Variants in CREG2 observed in about 807,000 individuals in gnomAD.
CREG2 encodes the protein protein CREG2.
In CREG2, 24 loss-of-function variants were observed where a neutral mutation model predicts 26.2. The ratio of observed to expected loss-of-function variants is 0.92; its 90% confidence interval spans 0.66 to 1.29. The LOEUF is 1.29. CREG2 is among the 50% of genes most tolerant of loss of function. The probability of loss-of-function intolerance (pLI) is 0.00; values close to 1 mark genes in which losing one functional copy is unlikely to be tolerated. For synonymous variants in CREG2, 174 were observed against 169.2 expected, an observed-to-expected ratio of 1.03 and a Z score of -0.22; for missense variants, 366 against 398.6, an observed-to-expected ratio of 0.92 and a Z score of 0.70.
At chr2:101,375,162 G>T (rs1684770788) in intron 2 of CREG2, among the ~76,000 whole-genome samples, 1 of 152,200 alleles carries the variant, frequency 6.6e-6, no homozygotes, top group African/African-American at 2.4e-5. Flanking sequence ...TGATTCCTCA[G>T]TGCTAATTTG....
chr2:101,374,405 T>G (rs1684757910), intron 2 of CREG2, among the ~76,000 whole-genome samples: 1 of 152,132 alleles, frequency 6.6e-6, no homozygotes, highest in Non-Finnish European at 1.5e-5. Flanking sequence ...ATGACTCAGG[T>G]TAATGTTAGC....
chr2:101,361,163 A>G (rs1573305560), intron 2 of CREG2, among the ~76,000 whole-genome samples: 1 of 152,214 alleles, frequency 6.6e-6, no homozygotes, highest in East Asian at 1.9e-4. Context: ...ATTACATAGA[A>G]ATAAAAAGGA....
At chr2:101,354,707 A>C (rs1684429918) in intron 3 of CREG2, among the ~76,000 whole-genome samples, 1 of 151,950 alleles carries the variant, frequency 6.6e-6, no homozygotes, top group Non-Finnish European at 1.5e-5. Context: ...ACTTGTGTGG[A>C]CCCCTACAGC....
chr2:101,386,895 G>T, intron 1 of CREG2, 122 bp downstream of exon 1: 1 of 1,018,448 alleles, frequency 9.8e-7, no homozygotes, highest in Non-Finnish European at 1.3e-6. Context: ...CCCATCCAGG[G>T]CACCGGGCAC....
chr2:101,359,208 C>T lies in CREG2; in HGVS notation c.612-3842G>A, dbSNP rs116320322. On this transcript the variant is annotated intron_variant, in intron 2 of 3. Coordinates refer to ENST00000324768, the MANE Select transcript of CREG2 (RefSeq NM_153836.4). ...TGAGAGATCAAGTGCATGCTTTGAC[C>T]TTTGACCTAGGGTTTTATATGTTGG... Among the ~76,000 whole-genome samples the T allele has an allele frequency of 9.7e-3, 1,471 of 152,236 alleles. 32 individuals are homozygous for T. Among genetic ancestry groups the T allele is most frequent in the African/African-American group, 0.033 (1,379 of 41,518 alleles).
chr2:101,378,812 G>GCCTGAACTGGCCAGTTCACCA (rs1404049297), intron 2 of CREG2, among the ~76,000 whole-genome samples: 11 of 152,074 alleles, frequency 7.2e-5, no homozygotes, highest in Non-Finnish European at 1.6e-4. Context: ...TTCAAGACCA[G>GCCTGAACTGGCCAGTTCACCA]CCTGGCCAAG....
At chr2:101,353,344 G>A (rs1225141117) in intron 3 of CREG2, among the ~76,000 whole-genome samples, 4 of 152,054 alleles carry the variant, frequency 2.6e-5, no homozygotes, top group South Asian at 4.1e-4. Flanking sequence ...ACATTTATGC[G>A]GCCAACAAAT....
Position 101,387,435 on chromosome 2 carries a change from C to A in CREG2, c.23G>T (p.Arg8Leu), listed in dbSNP as rs748813896. The change falls in exon 1 of 4, where the codon CGG (arginine) becomes CTG (leucine). Residue 8 changes from arginine to leucine, a missense_variant. Around this residue, in one of 3 missense-constraint regions of CREG2, gnomAD observed 177 missense variants for 183.3 expected, o/e 0.97. Coordinates refer to ENST00000324768, the MANE Select transcript of CREG2 (RefSeq NM_153836.4). The surrounding 1 kb of genome is among the most constrained non-coding windows in gnomAD (Gnocchi z 4.7). ...GAGGCGGGTCCCCGGCCGCGCCGGC[C>A]GCCGGCCGCGGCGCACGGACATCTT... MSVRRGR[R>L]PARPGTRLSW... 5.9e-4 allele frequency: 738 copies of A among 1,248,384 alleles called. 5 individuals carry two copies. In the African/African-American group the frequency reaches 0.011, roughly 18 times the overall value. The allele number at this position is 1,248,384 out of a possible 1,614,324, so 77.3% of individuals were successfully genotyped here. A position where few individuals can be genotyped will look rare whatever the true frequency, so the allele number is the denominator to read the frequency against.
At chr2:101,368,790 G>A (rs187062632) in intron 2 of CREG2, among the ~76,000 whole-genome samples, 2 of 152,312 alleles carry the variant, frequency 1.3e-5, no homozygotes, top group East Asian at 3.9e-4. Flanking sequence ...CTTGCCCCAA[G>A]TGAGGGCACA....
rs1474724828 is a variant in CREG2 at position 101,349,433 on chromosome 2, A to G, written c.*1490T>C. The G allele has an allele frequency of 6.6e-6, 1 of 152,650 alleles. No individual in the cohort carries two copies. Among genetic ancestry groups the G allele is most frequent in the African/African-American group, 2.4e-5 (1 of 41,448 alleles). The allele number at this position is 152,650 out of a possible 1,614,324, so 9.5% of individuals were successfully genotyped here. A position where few individuals can be genotyped will look rare whatever the true frequency, so the allele number is the denominator to read the frequency against. ...TTATTTTGTTAAGCAAAAGTTCATA[A>G]TCATTAATAACACTCTTATTTACTT... On this transcript the variant is annotated 3_prime_UTR_variant, in exon 4 of 4. Coordinates refer to ENST00000324768, the MANE Select transcript of CREG2 (RefSeq NM_153836.4).
chr2:101,353,135 C>T (rs184695404), intron 3 of CREG2, among the ~76,000 whole-genome samples: 171 of 152,180 alleles, frequency 1.1e-3, no homozygotes, highest in African/African-American at 3.7e-3. Flanking sequence ...TGTTTAAGTT[C>T]CTTGTAGATT....
intron 2 of CREG2, among the ~76,000 whole-genome samples, chr2:101,368,859 T>C (rs1558817833): frequency 6.6e-6 from 1 of 152,212 alleles, no homozygotes; most frequent in Non-Finnish European, 1.5e-5. Flanking sequence ...TAAATCTGCC[T>C]CAGCCTTGGC....
At chr2:101,382,478 T>C (rs1684891948) in intron 2 of CREG2, 2 of 981,230 alleles carry the variant, frequency 2.0e-6, no homozygotes, top group African/African-American at 3.5e-5. Context: ...CCTGGAAATG[T>C]ACTTCTAGTA....
chr2:101,353,538 T>C (rs1185100712), intron 3 of CREG2, among the ~76,000 whole-genome samples: 1 of 152,186 alleles, frequency 6.6e-6, no homozygotes, highest in Non-Finnish European at 1.5e-5. Context: ...ACTTCAACCA[T>C]TGTGGAAGAC....
At chr2:101,360,290 T>C (rs1684520815) in intron 2 of CREG2, among the ~76,000 whole-genome samples, 1 of 152,140 alleles carries the variant, frequency 6.6e-6, no homozygotes, top group Admixed American at 6.5e-5. Context: ...TGAAAACCTC[T>C]TCAGGAAAAT....
Position 101,350,790 on chromosome 2 carries a change from C to T in CREG2, c.*133G>A. On this transcript the variant is annotated 3_prime_UTR_variant, in exon 4 of 4. Coordinates refer to ENST00000324768, the MANE Select transcript of CREG2 (RefSeq NM_153836.4). Reference sequence around the variant, plus strand: ...GCATAGAGTTCCCTGTTCACCCTCTCTCATTCTGCTGCAGGGATGGCAGGG... The same window carrying T: ...GCATAGAGTTCCCTGTTCACCCTCTTTCATTCTGCTGCAGGGATGGCAGGG... The T allele has an allele frequency of 1.1e-6, 1 of 884,544 alleles. No individual in the cohort carries two copies. Among genetic ancestry groups the T allele is most frequent in the Non-Finnish European group, 1.8e-6 (1 of 560,988 alleles). 54.8% of individuals were successfully genotyped at this position (884,544 alleles called of 1,614,324 possible).
intron 2 of CREG2, among the ~76,000 whole-genome samples, chr2:101,381,056 C>T (rs983283316): frequency 6.6e-6 from 1 of 152,150 alleles, no homozygotes; most frequent in East Asian, 1.9e-4. Flanking sequence ...CTTGACCTGT[C>T]GTTATCATCG....
chr2:101,354,649 C>T (rs1367741823), intron 3 of CREG2, among the ~76,000 whole-genome samples: 2 of 152,194 alleles, frequency 1.3e-5, no homozygotes, highest in Admixed American at 6.5e-5. Context: ...CGTGCATGCG[C>T]GGTCCTCTGC....
At position 101,387,111 on chromosome 2, in the gene CREG2, G is replaced by T; in HGVS notation, c.347C>A (p.Ala116Glu). 1.6e-6 allele frequency: 2 copies of T among 1,243,572 alleles called. No homozygotes were observed. Among genetic ancestry groups the T allele is most frequent in the Non-Finnish European group, 2.0e-6 (2 of 995,240 alleles). 77.0% of individuals were successfully genotyped at this position (1,243,572 alleles called of 1,614,324 possible). Residue 116 changes from alanine (A) to glutamate (E), a missense_variant, in exon 1 of 4, where the codon GCG becomes GAG. Physicochemically the swap from Ala to Glu is moderately radical, Grantham distance 107. Transcript: ENST00000324768. The surrounding 1 kb of genome is among the most constrained non-coding windows in gnomAD (Gnocchi z 4.7). ...YRREGGQTAS[A>E]PPGPRLRAAT... is the part of the protein sequence containing the mutation. ...GGCGCGCAGTCTAGGGCCCGGGGGC[G>T]CACTGGCCGTCTGGCCGCCCTCGCG...
Sources: gnomAD v4.1 joint callset for allele counts (sites outside exome capture counted in the v4.1 genomes callset) on GRCh38, gnomAD v4.1.1 for gene constraint, gnomAD v4.1.1 regional missense constraint, Gnocchi (gnomAD v3.1) non-coding constraint, MANE v1.5 for transcripts, NCBI Gene and HGNC (gene_info 2026-07-23, HGNC 2026-07-21) for gene names.